Variants in ZNF385D observed in about 807,000 individuals in gnomAD.
ZNF385D encodes zinc finger protein 659.
Under a neutral mutation model 35.8 loss-of-function variants are expected in ZNF385D, and 15 were observed. The ratio of observed to expected loss-of-function variants is 0.42; its 90% CI spans 0.28 to 0.64. The LOEUF (loss-of-function observed/expected upper bound fraction) is 0.64, where lower values mean the gene tolerates loss of function less well. Ranked by LOEUF, ZNF385D falls within the 30% of genes least tolerant of loss-of-function variation. ZNF385D has a pLI of 0.23. For synonymous variants in ZNF385D, 212 were observed against 186.8 expected, an observed-to-expected ratio of 1.13 and a Z score of -1.10; for missense variants, 474 against 494.6, an observed-to-expected ratio of 0.96 and a Z score of 0.39.
At position 21,838,520 on chromosome 3, in the gene ZNF385D, T is replaced by C. The variant is rs1695466455; in HGVS notation, c.326-173492A>G. 1.3e-5 allele frequency among the ~76,000 whole-genome samples: 2 copies of C among 152,064 alleles called. 1 individual carries two copies. The highest frequency in any genetic ancestry group is 4.1e-4 in the South Asian group (2 of 4,828). On this transcript the variant is annotated intron_variant, in intron 3 of 5. Transcript: ENST00000494108. ...TTTGCCTAGAATATCACACCGACACTCTAAGGCACTAGGAAGAAAATTCCC... is the reference window on the plus strand; with the variant it reads ...TTTGCCTAGAATATCACACCGACACCCTAAGGCACTAGGAAGAAAATTCCC...
chr3:22,194,654 T>C (rs1696284553), intron 2 of ZNF385D, among the ~76,000 whole-genome samples: 1 of 151,932 alleles, frequency 6.6e-6, no homozygotes, highest in Non-Finnish European at 1.5e-5. Flanking sequence ...CCTTGTGTTA[T>C]TCATTTGTAG....
intron 1 of ZNF385D, among the ~76,000 whole-genome samples, chr3:21,698,406 T>C (rs2067547062): frequency 6.8e-6 from 1 of 146,674 alleles, no homozygotes; most frequent in Middle Eastern, 3.2e-3. Flanking sequence ...TGAACACAAA[T>C]ACAAAGTCAC....
At chr3:21,828,811 T>A (rs1366110078) in intron 3 of ZNF385D, among the ~76,000 whole-genome samples, 1 of 152,232 alleles carries the variant, frequency 6.6e-6, no homozygotes, top group East Asian at 1.9e-4. Flanking sequence ...CTGTAGGCTT[T>A]AGCGGACAAT....
At chr3:21,762,226 C>G (rs751571990) in intron 3 of ZNF385D, among the ~76,000 whole-genome samples, 1 of 152,054 alleles carries the variant, frequency 6.6e-6, no homozygotes, top group Non-Finnish European at 1.5e-5. Context: ...ATTCGAAGTT[C>G]TCTCCTGTTG....
intron 3 of ZNF385D, among the ~76,000 whole-genome samples, chr3:22,026,609 A>G (rs570667732): frequency 2.0e-5 from 3 of 152,308 alleles, no homozygotes; most frequent in Admixed American, 6.5e-5. Context: ...CATTTCCCCA[A>G]TGCCAGAATG....
intron 2 of ZNF385D, among the ~76,000 whole-genome samples, chr3:22,223,600 C>A (rs903544481): frequency 6.6e-6 from 1 of 151,934 alleles, no homozygotes; most frequent in Non-Finnish European, 1.5e-5. Context: ...ATGTATTTAA[C>A]AATAATAAAT....
intron 3 of ZNF385D, among the ~76,000 whole-genome samples, chr3:22,116,068 T>A (rs1326892722): frequency 6.6e-6 from 1 of 152,036 alleles, no homozygotes; most frequent in East Asian, 1.9e-4. Context: ...AGTTCAAGCT[T>A]TGGAAACTAT....
At chr3:21,950,829 T>C (rs1702029087) in intron 3 of ZNF385D, among the ~76,000 whole-genome samples, 1 of 151,868 alleles carries the variant, frequency 6.6e-6, no homozygotes, top group Middle Eastern at 3.4e-3. Context: ...CTTGTTTTTG[T>C]CAGTATGCCA....
At chr3:21,917,992 CA>C (rs1380464141) in intron 3 of ZNF385D, among the ~76,000 whole-genome samples, 1 of 152,152 alleles carries the variant, frequency 6.6e-6, no homozygotes, top group Non-Finnish European at 1.5e-5. Flanking sequence ...TATCAAGTTA[CA>C]TGAGAGCTAA....
At chr3:21,780,171 A>C (rs6786115) in intron 3 of ZNF385D, among the ~76,000 whole-genome samples, 1 of 151,796 alleles carries the variant, frequency 6.6e-6, no homozygotes, top group African/African-American at 2.4e-5. Flanking sequence ...AAACCCTTAC[A>C]TAACATTTAC....
intron 2 of ZNF385D, among the ~76,000 whole-genome samples, chr3:22,311,878 A>G (rs913524894): frequency 6.6e-6 from 1 of 152,122 alleles, no homozygotes; most frequent in Non-Finnish European, 1.5e-5. Flanking sequence ...ATACACCTAC[A>G]ATTTTGTCAA....
At chr3:22,035,759 T>C (rs142221953) in intron 3 of ZNF385D, among the ~76,000 whole-genome samples, 1 of 152,168 alleles carries the variant, frequency 6.6e-6, no homozygotes, top group Non-Finnish European at 1.5e-5. Flanking sequence ...CTGTGGTTCA[T>C]TCTAAGATGC....
intron 4 of ZNF385D, among the ~76,000 whole-genome samples, chr3:21,509,273 T>G (rs1268067821): frequency 6.6e-6 from 1 of 152,184 alleles, no homozygotes; most frequent in African/African-American, 2.4e-5. Context: ...CAAACTCATC[T>G]CTTTGTTCTC....
intron 1 of ZNF385D, among the ~76,000 whole-genome samples, chr3:21,672,152 T>G (rs1424205071): frequency 2.6e-5 from 4 of 152,182 alleles, no homozygotes; most frequent in Admixed American, 6.6e-5. Flanking sequence ...TCCATCCAGT[T>G]CCCATCTCTG....
intron 3 of ZNF385D, among the ~76,000 whole-genome samples, chr3:21,807,276 T>C (rs114583732): frequency 0.013 from 2,041 of 152,334 alleles, 51 homozygotes; most frequent in African/African-American, 0.047. Context: ...ATCTAGAGCA[T>C]ATCTCTATTT....
chr3:22,186,629 T>C (rs1055075739), intron 2 of ZNF385D, among the ~76,000 whole-genome samples: 51 of 148,532 alleles, frequency 3.4e-4, no homozygotes, highest in Non-Finnish European at 7.6e-5. Flanking sequence ...AAGGGGCAAA[T>C]GAGCTGGGTC....
At chr3:21,433,972 C>T (rs548667951) in intron 5 of ZNF385D, among the ~76,000 whole-genome samples, 1 of 152,004 alleles carries the variant, frequency 6.6e-6, no homozygotes, top group Non-Finnish European at 1.5e-5. Flanking sequence ...ACTAAGGGCA[C>T]GGTTCATGCA....
intron 3 of ZNF385D, among the ~76,000 whole-genome samples, chr3:21,998,498 C>T (rs1021713352): frequency 5.9e-5 from 9 of 152,154 alleles, no homozygotes; most frequent in African/African-American, 1.9e-4. Flanking sequence ...AGCCACAGGG[C>T]TGTTGGCAAT....
chr3:21,436,126 T>C (rs1459412208), intron 5 of ZNF385D, among the ~76,000 whole-genome samples: 1 of 152,158 alleles, frequency 6.6e-6, no homozygotes, highest in Non-Finnish European at 1.5e-5. Context: ...GAAAAGCTGA[T>C]CATTGTTTGC....
Sources: gnomAD v4.1 joint callset for allele counts (sites outside exome capture counted in the v4.1 genomes callset) on GRCh38, gnomAD v4.1.1 for gene constraint, MANE v1.5 for transcripts, NCBI Gene and HGNC (gene_info 2026-07-23, HGNC 2026-07-21) for gene names.